Variants in TCF12 observed in about 807,000 individuals in gnomAD.
The protein encoded by TCF12 is DNA-binding protein HTF4.
A neutral mutation model predicts 86.0 loss-of-function variants in TCF12; 45 were observed. That is an observed-to-expected ratio of 0.52 (90% confidence interval 0.41 to 0.67). The LOEUF is 0.67. Ranked by LOEUF, TCF12 falls within the 30% of genes least tolerant of loss-of-function variation. TCF12 has a pLI of 0.00. For synonymous variants in TCF12, 330 were observed against 299.6 expected (o/e 1.10, Z -1.05); for missense variants, 881 against 859.9 (o/e 1.02, Z -0.31).
intron 7 of TCF12, among the ~76,000 whole-genome samples, chr15:57,192,851 C>T (rs12443085): frequency 0.04 from 6,099 of 152,156 alleles, 374 homozygotes; most frequent in Admixed American, 0.17. Context: ...AAGGTTTGGC[C>T]ATGAATAATT....
intron 3 of TCF12, among the ~76,000 whole-genome samples, chr15:57,052,715 C>T (rs2067724848): frequency 6.6e-6 from 1 of 151,340 alleles, no homozygotes; most frequent in Non-Finnish European, 1.5e-5. Context: ...GTAACAGTGT[C>T]ATGTTATTTA....
At chr15:57,082,909 G>C (rs1039628815) in intron 4 of TCF12, among the ~76,000 whole-genome samples, 55 of 152,216 alleles carry the variant, frequency 3.6e-4, no homozygotes, top group African/African-American at 1.2e-3. Flanking sequence ...GAAATTGGAG[G>C]CAAGCTGAAT....
At chr15:57,112,533 A>T (rs1170318322) in intron 5 of TCF12, among the ~76,000 whole-genome samples, 1 of 152,156 alleles carries the variant, frequency 6.6e-6, no homozygotes, top group African/African-American at 2.4e-5. Context: ...CTGTATAGCA[A>T]TCTAAGGAGT....
At chr15:57,017,724 TTC>T (rs1235175192) in intron 3 of TCF12, among the ~76,000 whole-genome samples, 2 of 122,730 alleles carry the variant, frequency 1.6e-5, no homozygotes. Flanking sequence ...CTAATTTTCT[TTC>T]TTTTTTTTTT....
chr15:57,004,969 G>GT (rs1420958515), intron 3 of TCF12, among the ~76,000 whole-genome samples: 2 of 152,170 alleles, frequency 1.3e-5, no homozygotes, highest in East Asian at 3.8e-4. Context: ...TTAGAGGACT[G>GT]TTTTTTCTTC....
intron 4 of TCF12, 62 bp from the exon 5 acceptor site, chr15:57,091,727 A>G: frequency 8.2e-7 from 1 of 1,217,242 alleles, no homozygotes; most frequent in South Asian, 1.3e-5. Flanking sequence ...GAGTGTCATT[A>G]TGCTCAATTA....
intron 3 of TCF12, among the ~76,000 whole-genome samples, chr15:57,011,897 T>C (rs1342083741): frequency 3.3e-5 from 5 of 152,222 alleles, no homozygotes; most frequent in African/African-American, 1.2e-4. Context: ...GAGAAACAGC[T>C]ATGAAAATGG....
rs116015233 is a variant in TCF12, at chr15:56,980,497, C to G, written c.148+59399C>G. The stretch of plus-strand genomic sequence containing the variant: ...AGGCTGCTGGCGCCCTTACTGTAGA[C>G]TTTTCAGCCTCCAGAACTGTGAGCT... On this transcript the variant is annotated intron_variant, in intron 3 of 20. Coordinates refer to ENST00000333725, the MANE Select transcript of TCF12 (RefSeq NM_207037.2). 3.2e-3 allele frequency among the ~76,000 whole-genome samples: 488 copies of G among 152,290 alleles called. 7 individuals carry two copies. The highest frequency in any genetic ancestry group is 0.011 in the African/African-American group (465 of 41,564).
Position 57,036,386 on chromosome 15 carries a change from TGCCAG to T in TCF12, c.149-27362_149-27358del, listed in dbSNP as rs1414677057. On this transcript the variant is annotated intron_variant, in intron 3 of 20. Transcript: ENST00000333725. ...TTTGGTAGGTACCTAGAAGTAAAAT[TGCCAG>T]GTCATGTAATAACTCTAAGATTTTG... 2.0e-5 allele frequency among the ~76,000 whole-genome samples: 3 copies of T among 152,192 alleles called. No individual in the cohort carries two copies. In the East Asian group the frequency reaches 5.8e-4, roughly 29 times the overall value.
At chr15:56,990,899 A>G (rs943710565) in intron 3 of TCF12, among the ~76,000 whole-genome samples, 2 of 151,900 alleles carry the variant, frequency 1.3e-5, no homozygotes, top group Non-Finnish European at 1.5e-5. Context: ...GGCTCAAGCA[A>G]TGCTCCTACC....
At chr15:57,149,764 C>G (rs1484093218) in intron 5 of TCF12, among the ~76,000 whole-genome samples, 1 of 152,176 alleles carries the variant, frequency 6.6e-6, no homozygotes, top group Non-Finnish European at 1.5e-5. Context: ...TCATGCACTA[C>G]TCTAAGCAGT....
intron 3 of TCF12, among the ~76,000 whole-genome samples, chr15:57,037,952 C>T (rs569799728): frequency 9.3e-4 from 142 of 152,142 alleles, no homozygotes; most frequent in Admixed American, 2.0e-3. Flanking sequence ...ATCTTAAAAA[C>T]AGCTTGATGG....
At chr15:57,217,048 G>T (rs560820257) in intron 8 of TCF12, among the ~76,000 whole-genome samples, 4 of 152,154 alleles carry the variant, frequency 2.6e-5, no homozygotes, top group African/African-American at 9.6e-5. Context: ...AGGCAGTAGT[G>T]TATACCAAGT....
At chr15:56,963,200 A>C (rs1288966209) in intron 3 of TCF12, among the ~76,000 whole-genome samples, 1 of 152,060 alleles carries the variant, frequency 6.6e-6, no homozygotes, top group Non-Finnish European at 1.5e-5. Context: ...CTTGAAGACT[A>C]ATTGAGCATA....
intron 20 of TCF12, among the ~76,000 whole-genome samples, chr15:57,284,303 G>A (rs1204834032): frequency 2.0e-5 from 3 of 152,030 alleles, no homozygotes; most frequent in African/African-American, 7.3e-5. Flanking sequence ...CGCCTCCTGG[G>A]TTTGAGCAAT....
rs369121265 is a variant in TCF12 at position 56,966,371 on chromosome 15, T to G, written c.148+45273T>G. 3.3e-3 allele frequency among the ~76,000 whole-genome samples: 504 copies of G among 152,330 alleles called. 5 individuals are homozygous for G. The highest frequency in any genetic ancestry group is 0.031 in the South Asian group (149 of 4,828). ...TACTTTCAATGGCAAAAACCGCAGT[T>G]ACTTTTGCACCAACCTAATATCATG... On this transcript the variant is annotated intron_variant, in intron 3 of 20. Coordinates refer to ENST00000333725, the MANE Select transcript of TCF12 (RefSeq NM_207037.2).
intron 3 of TCF12, among the ~76,000 whole-genome samples, chr15:57,039,335 T>C (rs1446660597): frequency 2.0e-5 from 3 of 152,184 alleles, no homozygotes; most frequent in Admixed American, 6.5e-5. Flanking sequence ...CATCTCCTGC[T>C]TTACCCTATT....
intron 1 of TCF12, chr15:56,919,633 C>T (rs963342867): frequency 6.7e-6 from 2 of 300,482 alleles, no homozygotes; most frequent in East Asian, 6.2e-5. Flanking sequence ...GGCTCGGAAA[C>T]TTGGGGGAGA....
intron 3 of TCF12, among the ~76,000 whole-genome samples, chr15:56,926,037 C>T (rs1333351899): frequency 6.6e-6 from 1 of 152,146 alleles, no homozygotes; most frequent in Admixed American, 6.5e-5. Flanking sequence ...ATTTCGTTGG[C>T]GTGGTGGCTC....
Sources: gnomAD v4.1 joint callset for allele counts (sites outside exome capture counted in the v4.1 genomes callset) on GRCh38, gnomAD v4.1.1 for gene constraint, MANE v1.5 for transcripts, NCBI Gene and HGNC (gene_info 2026-07-23, HGNC 2026-07-21) for gene names.